The following PPP4R3B variants were observed in gnomAD, a reference collection of about 807,000 sequenced individuals.
PPP4R3B encodes serine/threonine-protein phosphatase 4 regulatory subunit 3B.
PPP4R3B carries 52 observed loss-of-function variants against 95.4 expected under a neutral mutation model. The ratio of observed to expected loss-of-function variants is 0.54; its 90% CI spans 0.44 to 0.69. The LOEUF is 0.69. Ranked by LOEUF, PPP4R3B falls within the 30% of genes least tolerant of loss-of-function variation. The probability of loss-of-function intolerance (pLI) is 0.00; values close to 1 mark genes in which losing one functional copy is unlikely to be tolerated. For synonymous variants in PPP4R3B, 407 were observed against 343.9 expected (o/e 1.18, Z -2.03); for missense variants, 1,003 against 1,005.9 (o/e 1.00, Z 0.04).
At chr2:55,583,365 A>T (rs1204860457) in intron 7 of PPP4R3B, among the ~76,000 whole-genome samples, 1 of 152,312 alleles carries the variant, frequency 6.6e-6, no homozygotes, top group Non-Finnish European at 1.5e-5. Context: ...GAAGGTTGTT[A>T]TAAGAAAAAA....
intron 2 of PPP4R3B, among the ~76,000 whole-genome samples, chr2:55,609,578 T>C (rs895349943): frequency 5.4e-5 from 8 of 149,190 alleles, no homozygotes; most frequent in Non-Finnish European, 1.2e-4. Flanking sequence ...GAGGCTGAGG[T>C]GGGAGCCTGA....
intron 14 of PPP4R3B, 52 bp downstream of exon 14, chr2:55,564,850 C>T: frequency 6.4e-7 from 1 of 1,574,020 alleles, no homozygotes; most frequent in South Asian, 1.2e-5. Flanking sequence ...GAACTACAAA[C>T]AATTTTGGAC....
chr2:55,559,552 C>T (rs1317745468), intron 15 of PPP4R3B, among the ~76,000 whole-genome samples: 1 of 151,992 alleles, frequency 6.6e-6, no homozygotes, highest in Non-Finnish European at 1.5e-5. Flanking sequence ...GGATTTCGCC[C>T]TTGCTGTTCT....
At chr2:55,561,977 G>A (rs1686688472) in intron 15 of PPP4R3B, among the ~76,000 whole-genome samples, 1 of 152,160 alleles carries the variant, frequency 6.6e-6, no homozygotes, top group Admixed American at 6.5e-5. Context: ...GACCGGGGTG[G>A]AATGATATGG....
intron 16 of PPP4R3B, among the ~76,000 whole-genome samples, chr2:55,558,478 C>G (rs577324737): frequency 4.6e-5 from 7 of 151,990 alleles, no homozygotes; most frequent in African/African-American, 1.5e-4. Flanking sequence ...TGTGGTGGCA[C>G]GCGCCTGTAG....
chr2:55,578,332 T>A lies in PPP4R3B; in HGVS notation c.1479A>T (p.Leu493Phe), dbSNP rs891762854. ...SEDKCEKDFF[L>F]KHYRYSWSFI... ...AACTCCAACTATATCTGTAATGTTTTAAAAAAAAATCTGAAAAAAAATATG... is the reference window on the plus strand; with the variant it reads ...AACTCCAACTATATCTGTAATGTTTAAAAAAAAAATCTGAAAAAAAATATG... Residue 493 changes from leucine (L) to phenylalanine (F), a missense_variant, in exon 10 of 17, where the codon TTA becomes TTT. Transcript: ENST00000616407. The A allele has an allele frequency of 3.0e-5, 41 of 1,382,914 alleles. No individual in the cohort carries two copies. The highest frequency in any genetic ancestry group is 1.2e-4 in the Admixed American group (4 of 33,040). 85.7% of individuals were successfully genotyped at this position (1,382,914 alleles called of 1,614,324 possible).
At position 55,547,464 on chromosome 2, in the gene PPP4R3B, C is replaced by T. The variant is rs1027304111; in HGVS notation, c.*2447G>A. 2 of 152,144 alleles carry T rather than the reference C, an allele frequency of 1.3e-5. No homozygotes were observed. Among genetic ancestry groups the T allele is most frequent in the African/African-American group, 2.4e-5 (1 of 41,418 alleles). 9.4% of individuals were successfully genotyped at this position (152,144 alleles called of 1,614,324 possible). A position where few individuals can be genotyped will look rare whatever the true frequency, so the allele number is the denominator to read the frequency against. ...CTGAGGGTAGTCGTTTAAAGACAGC[C>T]GCTAACATGGAATTCTCACAATTGT... On this transcript the variant is annotated 3_prime_UTR_variant, in exon 17 of 17. Coordinates refer to ENST00000616407, the MANE Select transcript of PPP4R3B (RefSeq NM_001122964.3).
intron 3 of PPP4R3B, among the ~76,000 whole-genome samples, chr2:55,602,464 G>A (rs372618925): frequency 2.4e-4 from 37 of 152,224 alleles, no homozygotes; most frequent in African/African-American, 8.4e-4. Context: ...CTTCACCTAT[G>A]CCAGACATAC....
At chr2:55,567,520 G>T (rs570344890) in intron 13 of PPP4R3B, among the ~76,000 whole-genome samples, 3 of 152,032 alleles carry the variant, frequency 2.0e-5, no homozygotes, top group Non-Finnish European at 4.4e-5. Flanking sequence ...GATGCAAGTG[G>T]TTCTTGTGCC....
At chr2:55,610,721 G>A (rs1694046378) in intron 2 of PPP4R3B, among the ~76,000 whole-genome samples, 1 of 152,074 alleles carries the variant, frequency 6.6e-6, no homozygotes, top group Non-Finnish European at 1.5e-5. Context: ...TGAAGACTGT[G>A]GTAAAACACT....
At chr2:55,571,688 C>T (rs183284586) in intron 12 of PPP4R3B, among the ~76,000 whole-genome samples, 45 of 152,264 alleles carry the variant, frequency 3.0e-4, no homozygotes, top group Admixed American at 2.5e-3. Flanking sequence ...TGCAGTGTTG[C>T]GATTTCAGCT....
chr2:55,608,381 T>A (rs1421920146), intron 2 of PPP4R3B, among the ~76,000 whole-genome samples: 1 of 152,214 alleles, frequency 6.6e-6, no homozygotes, highest in Non-Finnish European at 1.5e-5. Context: ...TATTTAGAGT[T>A]CTTTTCCAAT....
intron 2 of PPP4R3B, chr2:55,614,408 G>A (rs1239412738): frequency 6.6e-6 from 1 of 152,002 alleles, no homozygotes; most frequent in Non-Finnish European, 1.5e-5. Flanking sequence ...ATACTATACA[G>A]AGTTTAAAAA....
chr2:55,593,938 A>T (rs1289969133), intron 4 of PPP4R3B, among the ~76,000 whole-genome samples: 1 of 152,242 alleles, frequency 6.6e-6, no homozygotes, highest in Non-Finnish European at 1.5e-5. Flanking sequence ...ATGATCAGAC[A>T]AAGAAAATGG....
At chr2:55,573,983 G>T (rs1180239738) in intron 11 of PPP4R3B, among the ~76,000 whole-genome samples, 1 of 143,866 alleles carries the variant, frequency 7.0e-6, no homozygotes, top group Non-Finnish European at 1.5e-5. Flanking sequence ...CCACCTCCCA[G>T]GCTCAACTGA....
intron 10 of PPP4R3B, among the ~76,000 whole-genome samples, chr2:55,577,794 G>C (rs1250662126): frequency 1.3e-5 from 2 of 151,730 alleles, no homozygotes; most frequent in Admixed American, 1.3e-4. Flanking sequence ...CCAGAATAAT[G>C]AATGTGTTTA....
chr2:55,617,379 G>C lies in PPP4R3B; in HGVS notation c.-94C>G. The C allele has an allele frequency of 1.5e-6, 2 of 1,363,132 alleles. No individual in the cohort carries two copies. Among genetic ancestry groups the C allele is most frequent in the Non-Finnish European group, 1.9e-6 (2 of 1,046,546 alleles). 84.4% of individuals were successfully genotyped at this position (1,363,132 alleles called of 1,614,324 possible). ...GGAGACGGTAAAGGCAGTAGTGGCG[G>C]TGGCGGCGGCGGCGGCTTCGGAGAG... On this transcript the variant is annotated 5_prime_UTR_variant, in exon 1 of 17. Coordinates refer to ENST00000616407, the MANE Select transcript of PPP4R3B (RefSeq NM_001122964.3).
chr2:55,573,033 G>A (rs962146424), intron 12 of PPP4R3B, among the ~76,000 whole-genome samples: 4 of 151,954 alleles, frequency 2.6e-5, no homozygotes, highest in African/African-American at 2.4e-5. Context: ...ATTGGTACAG[G>A]TATGAAAAAA....
rs1277585646 is a variant in PPP4R3B at position 55,609,680 on chromosome 2, AAC to A, written c.199-5606_199-5605del. ...AAGACTGTGTCTCAAAAAAAAAAAA[AAC>A]AAAAAAAACAAAAAAACTCTTTCCA... On this transcript the variant is annotated intron_variant, in intron 2 of 16. Transcript: ENST00000616407. Among the ~76,000 whole-genome samples, 33 of 151,824 alleles carry A rather than the reference AAC, an allele frequency of 2.2e-4. 1 individual carries two copies. Among genetic ancestry groups the A allele is most frequent in the African/African-American group, 7.0e-4 (29 of 41,348 alleles).
Sources: allele counts gnomAD v4.1 joint callset (sites outside exome capture counted in the v4.1 genomes callset), GRCh38; gene constraint gnomAD v4.1.1; transcripts MANE v1.5; gene names NCBI Gene and HGNC (gene_info 2026-07-23, HGNC 2026-07-21).